Variants in VAT1L observed in about 807,000 individuals in gnomAD.
The protein encoded by VAT1L is putative NADPH-dependent quinone oxidoreductase VAT1L.
A neutral mutation model predicts 44.1 loss-of-function variants in VAT1L; 34 were observed. The ratio of observed to expected loss-of-function variants is 0.77; its 90% CI spans 0.59 to 1.03. The LOEUF (loss-of-function observed/expected upper bound fraction) is 1.03, where lower values mean the gene tolerates loss of function less well. Ranked by LOEUF, VAT1L falls within the 50% of genes least tolerant of loss-of-function variation. The pLI is 0.00. For missense variants in VAT1L, 615 were observed against 538.8 expected (o/e 1.14, Z -1.40); for synonymous variants, 253 against 202.2 (o/e 1.25, Z -2.13).
At chr16:77,959,473 G>A (rs1269271799) in intron 7 of VAT1L, among the ~76,000 whole-genome samples, 1 of 152,158 alleles carries the variant, frequency 6.6e-6, no homozygotes, top group African/African-American at 2.4e-5. Context: ...GATGACTTTG[G>A]TAGATGTGTT....
chr16:77,968,511 G>C (rs1356458114), intron 7 of VAT1L, among the ~76,000 whole-genome samples: 5 of 152,168 alleles, frequency 3.3e-5, no homozygotes, highest in Non-Finnish European at 7.3e-5. Flanking sequence ...GGATCACAAA[G>C]TCAGGAGATC....
intron 7 of VAT1L, among the ~76,000 whole-genome samples, chr16:77,903,835 C>G (rs973419159): frequency 8.0e-5 from 12 of 149,432 alleles, no homozygotes; most frequent in Non-Finnish European, 1.5e-4. Context: ...CTCCTGGGTT[C>G]ATGCCATTCT....
intron 3 of VAT1L, among the ~76,000 whole-genome samples, chr16:77,849,923 T>C (rs1034859474): frequency 3.3e-5 from 5 of 152,176 alleles, no homozygotes; most frequent in African/African-American, 9.7e-5. Flanking sequence ...ATTTGAGCGT[T>C]TGAGTCATTC....
At chr16:77,801,151 C>T (rs548226419) in intron 1 of VAT1L, 1 of 152,192 alleles carries the variant, frequency 6.6e-6, no homozygotes, top group Admixed American at 6.5e-5. Context: ...TTTTTGGGTA[C>T]TTTCCAAGTT....
rs369939289 is a variant in VAT1L, at chr16:77,955,844, GTCCTACA to G, written c.1078-16001_1078-15995del. Among the ~76,000 whole-genome samples, 19 of 151,872 alleles carry G rather than the reference GTCCTACA, an allele frequency of 1.3e-4. 1 individual carries two copies. Among genetic ancestry groups the G allele is most frequent in the African/African-American group, 1.2e-4 (5 of 41,398 alleles). The stretch of plus-strand genomic sequence containing the variant: ...CTGGTCCTGCAATACAATACCCAGC[GTCCTACA>G]TCCTTCCTTCCTTCTTCGCTCTCCA... On this transcript the variant is annotated intron_variant, in intron 7 of 8. Coordinates refer to ENST00000302536, the MANE Select transcript of VAT1L (RefSeq NM_020927.3).
At chr16:77,902,364 T>C (rs1441237289) in intron 7 of VAT1L, among the ~76,000 whole-genome samples, 4 of 152,156 alleles carry the variant, frequency 2.6e-5, no homozygotes, top group Non-Finnish European at 4.4e-5. Flanking sequence ...AAACATTGAG[T>C]AGTTATCTTG....
chr16:77,951,853 A>AAC (rs36004052), intron 7 of VAT1L, among the ~76,000 whole-genome samples: 6,261 of 149,038 alleles, frequency 0.042, 436 homozygotes, highest in African/African-American at 0.15. Flanking sequence ...AAAAAAAAAA[A>AAC]CACGAAAAAA....
At chr16:77,935,564 C>T (rs1391868088) in intron 7 of VAT1L, among the ~76,000 whole-genome samples, 3 of 142,228 alleles carry the variant, frequency 2.1e-5, no homozygotes, top group Middle Eastern at 3.6e-3. Context: ...GGGGCGGTGG[C>T]GGGGAAGGGA....
At chr16:77,877,713 T>C (rs36122340) in intron 5 of VAT1L, among the ~76,000 whole-genome samples, 6,091 of 152,182 alleles carry the variant, frequency 0.04, 163 homozygotes, top group Middle Eastern at 0.068. Context: ...AAAACACTTA[T>C]TTCCCTGCTA....
At chr16:77,945,189 C>T (rs185881003) in intron 7 of VAT1L, among the ~76,000 whole-genome samples, 157 of 149,832 alleles carry the variant, frequency 1.0e-3, no homozygotes, top group African/African-American at 3.7e-3. Context: ...TGTTCTAGCA[C>T]ATAGAAGAGC....
intron 3 of VAT1L, among the ~76,000 whole-genome samples, chr16:77,857,310 C>A (rs2016869042): frequency 6.6e-6 from 1 of 152,142 alleles, no homozygotes; most frequent in African/African-American, 2.4e-5. Context: ...ATTTGCTAGG[C>A]ACGTAGGAGA....
At chr16:77,834,601 C>A (rs1185028222) in intron 3 of VAT1L, among the ~76,000 whole-genome samples, 1 of 152,116 alleles carries the variant, frequency 6.6e-6, no homozygotes, top group Non-Finnish European at 1.5e-5. Context: ...CGGCCTGGGA[C>A]CCTGAATAAC....
intron 8 of VAT1L, among the ~76,000 whole-genome samples, 166 bp downstream of exon 8, chr16:77,972,099 T>A (rs1392970389): frequency 6.6e-6 from 1 of 152,024 alleles, no homozygotes; most frequent in Non-Finnish European, 1.5e-5. Context: ...CATGACAAAC[T>A]GAGATGAATG....
intron 3 of VAT1L, among the ~76,000 whole-genome samples, chr16:77,851,386 T>C (rs538014344): frequency 2.0e-5 from 3 of 152,330 alleles, no homozygotes; most frequent in East Asian, 1.9e-4. Context: ...CGGTGGCTTA[T>C]GCCTGTAATC....
chr16:77,867,212 A>G (rs2016983979), intron 4 of VAT1L, among the ~76,000 whole-genome samples: 1 of 152,180 alleles, frequency 6.6e-6, no homozygotes, highest in Non-Finnish European at 1.5e-5. Context: ...CTCTTGGTTT[A>G]CAAGAGGACT....
At chr16:77,791,195 T>C (rs1231130640) in intron 1 of VAT1L, among the ~76,000 whole-genome samples, 2 of 152,310 alleles carry the variant, frequency 1.3e-5, no homozygotes, top group East Asian at 3.9e-4. Context: ...AGTTTTAGCC[T>C]TGGGATACAG....
In VAT1L at chr16:77,904,454, T is replaced by C. The variant is rs578177984; in HGVS notation, c.1077+19652T>C. The stretch of plus-strand genomic sequence containing the variant: ...AGGTGTCAGCTAATTTGGTTCCTGG[T>C]AAGGGCTGTCTCTGGCTTGTGGACA... On this transcript the variant is annotated intron_variant, in intron 7 of 8. Coordinates refer to ENST00000302536, the MANE Select transcript of VAT1L (RefSeq NM_020927.3). Among the ~76,000 whole-genome samples, 5 of 152,306 alleles carry C rather than the reference T, an allele frequency of 3.3e-5. No individual in the cohort carries two copies. In the South Asian group the frequency reaches 1.0e-3, roughly 32 times the overall value.
chr16:77,893,926 A>G (rs2017294837), intron 7 of VAT1L, among the ~76,000 whole-genome samples: 1 of 152,190 alleles, frequency 6.6e-6, no homozygotes, highest in Non-Finnish European at 1.5e-5. Flanking sequence ...TGTGCCAAGT[A>G]CCTTGCATTT....
intron 7 of VAT1L, among the ~76,000 whole-genome samples, chr16:77,956,712 C>T (rs544747018): frequency 3.9e-5 from 6 of 152,290 alleles, no homozygotes; most frequent in East Asian, 3.9e-4. Context: ...ATATATACCC[C>T]GCTTTAGACA....
Sources: gnomAD v4.1 joint callset for allele counts (sites outside exome capture counted in the v4.1 genomes callset) on GRCh38, gnomAD v4.1.1 for gene constraint, MANE v1.5 for transcripts, NCBI Gene and HGNC (gene_info 2026-07-23, HGNC 2026-07-21) for gene names.